Variants in VEZF1 observed in about 807,000 individuals in gnomAD.
VEZF1 encodes putative transcription factor DB1.
A neutral mutation model predicts 44.1 loss-of-function variants in VEZF1; 5 were observed. The observed-to-expected ratio is 0.11, with a 90% confidence interval of 0.06 to 0.24. VEZF1 has a LOEUF of 0.24. Ranked by LOEUF, VEZF1 falls within the 10% of genes least tolerant of loss-of-function variation. The pLI, the probability that VEZF1 is intolerant of heterozygous loss-of-function variation, is 1.00. For missense variants in VEZF1, 358 were observed against 641.8 expected (o/e 0.56, Z 4.78); for synonymous variants, 236 against 233.1 (o/e 1.01, Z -0.11).
intron 2 of VEZF1, among the ~76,000 whole-genome samples, chr17:57,982,165 G>T (rs1190363767): frequency 1.3e-5 from 2 of 152,100 alleles, no homozygotes; most frequent in South Asian, 2.1e-4. Context: ...AATCATATTA[G>T]GTCTTGATTC....
intron 4 of VEZF1, among the ~76,000 whole-genome samples, chr17:57,980,142 A>T (rs2075235308): frequency 6.6e-6 from 1 of 152,080 alleles, no homozygotes; most frequent in South Asian, 2.1e-4. Flanking sequence ...GTGGCCACCT[A>T]TTTTTTTGAG....
chr17:57,975,430 G>GT (rs1286411154), intron 5 of VEZF1, among the ~76,000 whole-genome samples: 1 of 152,256 alleles, frequency 6.6e-6, no homozygotes, highest in Admixed American at 6.5e-5. Flanking sequence ...CAATAAGTAT[G>GT]TTAAAGCCTG....
intron 1 of VEZF1, 90 bp from the exon 2 acceptor site, chr17:57,983,483 ACAGT>A (rs1295350819): frequency 5.1e-6 from 6 of 1,173,002 alleles, no homozygotes; most frequent in Admixed American, 2.4e-5. Flanking sequence ...ACCAGAAGAA[ACAGT>A]CAAAGAACCT....
Position 57,979,191 on chromosome 17 carries a change from G to A in VEZF1, c.1099C>T (p.Leu367=), listed in dbSNP as rs757755042. The A allele has an allele frequency of 1.9e-6, 3 of 1,613,732 alleles. No homozygotes were observed. The highest frequency in any genetic ancestry group is 1.1e-5 in the South Asian group (1 of 91,046). ...TTAACAGCTTCTTCCCACAGTCTCA[G>A]TGTTTCTACTTGCTTCCCTGGCCAG... ...TSWPGKQVET[L]RLWEEAVKAR... is the part of the protein sequence containing the mutation. The change falls in exon 5 of 6, where the codon CTG becomes TTG. Residue 367 remains leucine (L), a synonymous_variant. Coordinates refer to ENST00000581208, the MANE Select transcript of VEZF1 (RefSeq NM_007146.3).
intron 5 of VEZF1, 88 bp from the exon 6 acceptor site, chr17:57,974,988 A>C: frequency 1.4e-6 from 2 of 1,384,978 alleles, no homozygotes; most frequent in Non-Finnish European, 2.0e-6. Flanking sequence ...TTCATTAAAA[A>C]TGTCAAACAT....
chr17:57,980,021 G>A (rs1390034001), intron 4 of VEZF1, among the ~76,000 whole-genome samples: 1 of 139,236 alleles, frequency 7.2e-6, no homozygotes, highest in East Asian at 2.1e-4. Flanking sequence ...TGCTTATAAA[G>A]TACAACATAC....
At position 57,982,919 on chromosome 17, in the gene VEZF1, C is replaced by G; in HGVS notation, c.508G>C (p.Val170Leu). 6.2e-7 allele frequency: 1 copy of G among 1,614,212 alleles called. No homozygotes were observed. The highest frequency in any genetic ancestry group is 8.5e-7 in the Non-Finnish European group (1 of 1,180,042). Residue 170 changes from valine to leucine, a missense_variant, in exon 2 of 6, where the codon GTC (valine) becomes CTC (leucine). Transcript: ENST00000581208. ...TQSVKKPSKP[V>L]KKNHACEMCG... ...ATCTCACAAGCATGGTTCTTCTTGA[C>G]AGGCTTACTGGGTTTCTTGACAGAC...
chr17:57,976,044 C>A (rs1016790054), intron 5 of VEZF1, among the ~76,000 whole-genome samples: 1 of 152,160 alleles, frequency 6.6e-6, no homozygotes, highest in African/African-American at 2.4e-5. Flanking sequence ...GATCCGTCCA[C>A]CTCAGCCTCC....
intron 1 of VEZF1, among the ~76,000 whole-genome samples, chr17:57,987,588 G>A (rs1391328544): frequency 6.6e-6 from 1 of 152,062 alleles, no homozygotes; most frequent in African/African-American, 2.4e-5. Context: ...AAAAAGACGA[G>A]GAAGGTGAAA....
At position 57,980,802 on chromosome 17, in the gene VEZF1, A is replaced by T. The variant is rs780082728; in HGVS notation, c.793-16T>A. The T allele has an allele frequency of 6.2e-6, 10 of 1,613,788 alleles. No homozygotes were observed. The highest frequency in any genetic ancestry group is 8.5e-6 in the Non-Finnish European group (10 of 1,179,804). On this transcript the variant is annotated splice_polypyrimidine_tract_variant and intron_variant, in intron 3 of 5. Transcript: ENST00000581208. ...CAGTGCACGTCTGCATGAGGGAGGA[A>T]AACTTTTTTTAAATATAGACTATCC...
chr17:57,979,801 A>C (rs1235021891), intron 4 of VEZF1, among the ~76,000 whole-genome samples: 1 of 151,988 alleles, frequency 6.6e-6, no homozygotes, highest in Non-Finnish European at 1.5e-5. Flanking sequence ...CTCTATGAAA[A>C]TACAAAAAAA....
intron 1 of VEZF1, among the ~76,000 whole-genome samples, chr17:57,987,294 C>A (rs1407606172): frequency 6.6e-6 from 1 of 152,114 alleles, no homozygotes; most frequent in African/African-American, 2.4e-5. Flanking sequence ...TGCCCCGGGC[C>A]GGCCCGGCTG....
chr17:57,987,688 C>T (rs997716129), intron 1 of VEZF1, among the ~76,000 whole-genome samples: 5 of 152,150 alleles, frequency 3.3e-5, no homozygotes, highest in South Asian at 4.1e-4. Flanking sequence ...GGGACCGGGC[C>T]GGCACGCAAT....
intron 4 of VEZF1, among the ~76,000 whole-genome samples, chr17:57,979,662 A>C (rs1007436107): frequency 3.9e-5 from 6 of 152,234 alleles, no homozygotes; most frequent in African/African-American, 1.4e-4. Flanking sequence ...ATGTACACTA[A>C]AAGTGAATGT....
At chr17:57,975,973 G>GT (rs1323650654) in intron 5 of VEZF1, among the ~76,000 whole-genome samples, 1 of 152,066 alleles carries the variant, frequency 6.6e-6, no homozygotes, top group Non-Finnish European at 1.5e-5. Context: ...TAATTTTTGT[G>GT]TTTTTTGTAG....
chr17:57,971,562 GTTAAC>G lies in VEZF1; in HGVS notation c.*2906_*2910del, dbSNP rs1170711913. The G allele has an allele frequency of 6.6e-6, 1 of 152,386 alleles. No individual in the cohort carries two copies. Among genetic ancestry groups the G allele is most frequent in the Non-Finnish European group, 1.5e-5 (1 of 68,042 alleles). The allele number at this position is 152,386 out of a possible 1,614,324, so 9.4% of individuals were successfully genotyped here. On this transcript the variant is annotated 3_prime_UTR_variant, in exon 6 of 6. Coordinates refer to ENST00000581208, the MANE Select transcript of VEZF1 (RefSeq NM_007146.3). ...CAATCCATCATAACATTTGTGACCA[GTTAAC>G]TTTAATTTTCAAAATAAATCTGCAG...
At chr17:57,987,807 G>A (rs1051987417) in intron 1 of VEZF1, among the ~76,000 whole-genome samples, 1 of 151,944 alleles carries the variant, frequency 6.6e-6, no homozygotes, top group African/African-American at 2.4e-5. Flanking sequence ...AGAGGGAAGG[G>A]TGTGTGTGAG....
At position 57,974,776 on chromosome 17, in the gene VEZF1, T is replaced by C; in HGVS notation, c.1263A>G (p.Ala421=). The C allele has an allele frequency of 1.2e-6, 2 of 1,614,174 alleles. No homozygotes were observed. The highest frequency in any genetic ancestry group is 4.5e-5 in the East Asian group (2 of 44,888). The change falls in exon 6 of 6, where the codon GCA becomes GCG. Residue 421 remains alanine, a synonymous_variant. Coordinates refer to ENST00000581208, the MANE Select transcript of VEZF1 (RefSeq NM_007146.3). The part of the protein sequence containing the change: ...TMSNPVTVAA[A]MSMRSPVNVS... Reference sequence around the variant, plus strand: ...CATTTACTGGACTTCTCATGCTCATTGCAGCTGCCACTGTGACTGGGTTTG... The same window carrying C: ...CATTTACTGGACTTCTCATGCTCATCGCAGCTGCCACTGTGACTGGGTTTG...
rs2075174692 is a variant in VEZF1, at chr17:57,974,932, C to A, written c.1139-32G>T. 2.6e-6 allele frequency: 4 copies of A among 1,566,544 alleles called. No individual in the cohort carries two copies. The South Asian group carries it at 4.7e-5, about 18-fold the overall frequency. On this transcript the variant is annotated intron_variant, in intron 5 of 5. Transcript: ENST00000581208. The stretch of plus-strand genomic sequence containing the variant: ...TAAGAAGAAAAAGGGTCTTTAGATT[C>A]TCAAAACAGTGAGCAAAATTCACAA...
Sources: gnomAD v4.1 joint callset for allele counts (sites outside exome capture counted in the v4.1 genomes callset) on GRCh38, gnomAD v4.1.1 for gene constraint, MANE v1.5 for transcripts, NCBI Gene and HGNC (gene_info 2026-07-23, HGNC 2026-07-21) for gene names.